The following LRRC59 variants were observed in gnomAD, a reference collection of about 807,000 sequenced individuals.
The protein encoded by LRRC59 is leucine rich repeat containing 59.
Under a neutral mutation model 33.5 loss-of-function variants are expected in LRRC59, and 18 were observed. That is an observed-to-expected ratio of 0.54 (90% CI 0.37 to 0.80). LRRC59 has a LOEUF of 0.80. LRRC59 is among the 30% of genes least tolerant of loss of function. The pLI is 0.00. For synonymous variants in LRRC59, 138 were observed against 160.0 expected (o/e 0.86, Z 1.04); for missense variants, 330 against 391.9 (o/e 0.84, Z 1.33).
intron 1 of LRRC59, chr17:50,396,773 G>A (rs1490575478): frequency 4.7e-6 from 1 of 211,242 alleles, no homozygotes; most frequent in Admixed American, 5.9e-5. Flanking sequence ...GCAGCCAGCT[G>A]GAATTGCCAG....
chr17:50,382,759 G>C lies in LRRC59; in HGVS notation c.*229C>G, dbSNP rs190245654. 991 of 570,234 alleles carry C rather than the reference G, an allele frequency of 1.7e-3. 5 individuals carry two copies. The highest frequency in any genetic ancestry group is 0.017 in the African/African-American group (890 of 53,098). The allele number at this position is 570,234 out of a possible 1,614,324, so 35.3% of individuals were successfully genotyped here. ...CAAGCCTACTCCTTTAGGCATGCAG[G>C]TAACTGCCCCCCACGCCCCCCCGCC... is the stretch of plus-strand genomic sequence containing the variant. On this transcript the variant is annotated 3_prime_UTR_variant, in exon 7 of 7. Coordinates refer to ENST00000225972, the MANE Select transcript of LRRC59 (RefSeq NM_018509.4).
intron 5 of LRRC59, among the ~76,000 whole-genome samples, chr17:50,385,897 AAACG>A (rs1168658674): frequency 1.3e-5 from 2 of 152,100 alleles, no homozygotes; most frequent in African/African-American, 4.8e-5. Flanking sequence ...GTCTATAAAA[AAACG>A]AAAAAATTAG....
intron 6 of LRRC59, 49 bp downstream of exon 6, chr17:50,385,069 T>C: frequency 6.3e-7 from 1 of 1,587,660 alleles, no homozygotes; most frequent in Non-Finnish European, 8.6e-7. Flanking sequence ...GAAACATGAG[T>C]GTCTCCACTG....
At position 50,383,072 on chromosome 17, in the gene LRRC59, C is replaced by G. The variant is rs544291551; in HGVS notation, c.840G>C (p.Val280=). 3.7e-6 allele frequency: 6 copies of G among 1,611,772 alleles called. No individual in the cohort carries two copies. The highest frequency in any genetic ancestry group is 1.3e-5 in the African/African-American group (1 of 74,996). Reference sequence around the variant, plus strand: ...GGACCGCATTGTCATAGATGGTGTTCACGCTGGTGCAGAGGGGCTGCTGCT... The same window carrying G: ...GGACCGCATTGTCATAGATGGTGTTGACGCTGGTGCAGAGGGGCTGCTGCT... The part of the protein sequence containing the change: ...ELQQQPLCTS[V]NTIYDNAVQG... Residue 280 remains valine (V), a synonymous_variant, in exon 7 of 7, where the codon GTG becomes GTC. Transcript: ENST00000225972.
chr17:50,397,385 G>T lies in LRRC59; in HGVS notation c.-68C>A. ...GGTGAAAGGAGCTGAAATGTCGCTT[G>T]TCAGTTCAGCGGCCCCCCACCCAAA... On this transcript the variant is annotated 5_prime_UTR_variant, in exon 1 of 7. Coordinates refer to ENST00000225972, the MANE Select transcript of LRRC59 (RefSeq NM_018509.4). The T allele has an allele frequency of 2.3e-6, 3 of 1,294,700 alleles. No individual in the cohort carries two copies. 80.2% of individuals were successfully genotyped at this position (1,294,700 alleles called of 1,614,324 possible).
intron 5 of LRRC59, 123 bp downstream of exon 5, chr17:50,387,937 T>C: frequency 1.1e-6 from 1 of 897,000 alleles, no homozygotes; most frequent in Non-Finnish European, 1.8e-6. Context: ...CACAATACTG[T>C]CCCCCCACCG....
chr17:50,388,857 A>G (rs1267142405), intron 4 of LRRC59, among the ~76,000 whole-genome samples: 2 of 152,166 alleles, frequency 1.3e-5, no homozygotes, highest in Non-Finnish European at 2.9e-5. Flanking sequence ...AATTCAACAC[A>G]GGACATTGTA....
chr17:50,389,875 C>G (rs1471693892), intron 4 of LRRC59, among the ~76,000 whole-genome samples: 1 of 152,080 alleles, frequency 6.6e-6, no homozygotes, highest in Non-Finnish European at 1.5e-5. Flanking sequence ...GTGGGCAGAT[C>G]ACTGGAGCTC....
chr17:50,389,695 T>C (rs1050757388), intron 4 of LRRC59, among the ~76,000 whole-genome samples: 6 of 152,208 alleles, frequency 3.9e-5, no homozygotes, highest in African/African-American at 1.4e-4. Flanking sequence ...TGTATATTCA[T>C]ATGTAATTCT....
chr17:50,381,855 C>T lies in LRRC59; in HGVS notation c.*1133G>A, dbSNP rs1344915577. 6.5e-6 allele frequency: 1 copy of T among 152,686 alleles called. No individual in the cohort carries two copies. Among genetic ancestry groups the T allele is most frequent in the Non-Finnish European group, 1.5e-5 (1 of 68,036 alleles). 9.5% of individuals were successfully genotyped at this position (152,686 alleles called of 1,614,324 possible). A position where few individuals can be genotyped will look rare whatever the true frequency, so the allele number is the denominator to read the frequency against. On this transcript the variant is annotated 3_prime_UTR_variant, in exon 7 of 7. Coordinates refer to ENST00000225972, the MANE Select transcript of LRRC59 (RefSeq NM_018509.4). Reference sequence around the variant, plus strand: ...CATTGGGTGATGCACCACTTTTCAGCTCCATGATGCTACTTGTTTCCCTTC... The same window carrying T: ...CATTGGGTGATGCACCACTTTTCAGTTCCATGATGCTACTTGTTTCCCTTC...
chr17:50,394,252 T>C (rs1033924797), intron 2 of LRRC59, among the ~76,000 whole-genome samples: 1 of 152,090 alleles, frequency 6.6e-6, no homozygotes, highest in Non-Finnish European at 1.5e-5. Context: ...GAGTGATGGG[T>C]GGAAGTGGCA....
Position 50,385,277 on chromosome 17 carries a change from G to GCTT in LRRC59, c.514_516dup (p.Lys172dup). The GCTT allele has an allele frequency of 6.2e-7, 1 of 1,613,602 alleles. No homozygotes were observed. Among genetic ancestry groups the GCTT allele is most frequent in the Non-Finnish European group, 8.5e-7 (1 of 1,179,960 alleles). On this transcript the variant is annotated inframe_insertion, in exon 6 of 7. Coordinates refer to ENST00000225972, the MANE Select transcript of LRRC59 (RefSeq NM_018509.4). ...TCCTTAGCTCGCTGCTTAGCCTCAC[G>GCTT]CTTCTTCTCTGCCTCTACAACAAAA... is the stretch of plus-strand genomic sequence containing the variant.
intron 5 of LRRC59, among the ~76,000 whole-genome samples, chr17:50,387,362 A>G (rs1169600479): frequency 6.6e-6 from 1 of 152,240 alleles, no homozygotes. Flanking sequence ...TGTGTGTGCA[A>G]CAAGGCCGGT....
At chr17:50,392,375 C>T (rs199893730) in intron 4 of LRRC59, 23 bp downstream of exon 4, 16 of 1,602,928 alleles carry the variant, frequency 1.0e-5, no homozygotes, top group Non-Finnish European at 1.4e-5. Context: ...TAAGGAGCCA[C>T]TGGGAGGGAG....
intron 4 of LRRC59, among the ~76,000 whole-genome samples, chr17:50,391,712 A>G (rs913199464): frequency 6.6e-6 from 1 of 152,210 alleles, no homozygotes; most frequent in African/African-American, 2.4e-5. Flanking sequence ...GTGCCTGCTT[A>G]CAGCTGTAAC....
At position 50,385,155 on chromosome 17, in the gene LRRC59, C is replaced by G. The variant is rs768086669; in HGVS notation, c.639G>C (p.Gln213His). The G allele has an allele frequency of 6.2e-7, 1 of 1,614,136 alleles. No individual in the cohort carries two copies. The highest frequency in any genetic ancestry group is 1.7e-5 in the Admixed American group (1 of 60,008). Residue 213 changes from glutamine to histidine, a missense_variant, in exon 6 of 7, where the codon CAG becomes CAC. Gln to His is a conservative substitution (Grantham distance 24). Transcript: ENST00000225972. ...YDALKAAKRE[Q>H]EKKPKKEANQ... ...TTGCTTCCTTCTTAGGTTTCTTCTC[C>G]TGCTCCCGCTTGGCTGCTTTGAGGG...
chr17:50,385,779 G>A (rs1913986799), intron 5 of LRRC59, among the ~76,000 whole-genome samples: 1 of 152,172 alleles, frequency 6.6e-6, no homozygotes, highest in Admixed American at 6.5e-5. Flanking sequence ...AAACAATGAC[G>A]CCAGGAGCAG....
At chr17:50,392,627 T>G in intron 3 of LRRC59, 112 bp downstream of exon 3, 1 of 1,506,132 alleles carries the variant, frequency 6.6e-7, no homozygotes, top group South Asian at 1.2e-5. Context: ...GAGCGCCATC[T>G]GAGGCAGGAC....
At chr17:50,391,588 C>T (rs910813312) in intron 4 of LRRC59, among the ~76,000 whole-genome samples, 17 of 152,142 alleles carry the variant, frequency 1.1e-4, no homozygotes, top group Admixed American at 6.5e-4. Flanking sequence ...AGGTAGGGTA[C>T]GGCACCTTCC....
Sources: gnomAD v4.1 joint callset for allele counts (sites outside exome capture counted in the v4.1 genomes callset) on GRCh38, gnomAD v4.1.1 for gene constraint, MANE v1.5 for transcripts, NCBI Gene and HGNC (gene_info 2026-07-23, HGNC 2026-07-21) for gene names.